Variants in MB21D2 observed in about 807,000 individuals in gnomAD.
MB21D2 encodes Mab-21 domain containing 2.
A neutral mutation model predicts 33.3 loss-of-function variants in MB21D2; 9 were observed. That is an observed-to-expected ratio of 0.27 (90% CI 0.16 to 0.47). MB21D2 has a LOEUF of 0.47. Among genes scored for constraint, MB21D2 ranks in the 20% least tolerant of loss-of-function variants. MB21D2 has a pLI of 0.99. For missense variants in MB21D2, 540 were observed against 624.6 expected, an observed-to-expected ratio of 0.86 and a Z score of 1.44; for synonymous variants, 241 against 236.3, an observed-to-expected ratio of 1.02 and a Z score of -0.18.
intron 1 of MB21D2, among the ~76,000 whole-genome samples, chr3:192,826,547 C>G (rs1043632609): frequency 3.3e-5 from 5 of 152,174 alleles, no homozygotes; most frequent in Admixed American, 1.3e-4. Context: ...AGATGGAAAA[C>G]CTACTTGTAT....
chr3:192,881,165 G>C (rs1179676635), intron 1 of MB21D2, among the ~76,000 whole-genome samples: 2 of 151,980 alleles, frequency 1.3e-5, no homozygotes, highest in Non-Finnish European at 2.9e-5. Flanking sequence ...AGTTATCTTT[G>C]TAAACAGAAA....
At position 192,807,550 on chromosome 3, in the gene MB21D2, G is replaced by A. The variant is rs1318535240; in HGVS notation, c.212-7900C>T. Among the ~76,000 whole-genome samples, 2 of 152,016 alleles carry A rather than the reference G, an allele frequency of 1.3e-5. 1 individual carries two copies. The highest frequency in any genetic ancestry group is 1.3e-4 in the Admixed American group (2 of 15,248). The stretch of plus-strand genomic sequence containing the variant: ...GGTCCGGTTTCCATTCCTTTCTCAC[G>A]TTGAGATGTATATGTCAACTACTTA... On this transcript the variant is annotated intron_variant, in intron 1 of 1. Transcript: ENST00000392452.
intron 1 of MB21D2, among the ~76,000 whole-genome samples, chr3:192,905,644 AAAAAAAAAAAG>A (rs1560257048): frequency 7.3e-6 from 1 of 137,912 alleles, no homozygotes; most frequent in Non-Finnish European, 1.6e-5. Flanking sequence ...TCAAAAAAAA[AAAAAAAAAAAG>A]AAAAAGAAAA....
chr3:192,917,842 C>T lies in MB21D2; in HGVS notation c.-2G>A, dbSNP rs199996406. On this transcript the variant is annotated 5_prime_UTR_variant, in exon 1 of 2. Transcript: ENST00000392452. ...GGCGGTGGGAGCCGCCATCTTCATG[C>T]AAAACGCGCCGAGTAGCAGCTCCGC... 175 of 1,606,734 alleles carry T rather than the reference C, an allele frequency of 1.1e-4. No homozygotes were observed. The highest frequency in any genetic ancestry group is 1.9e-5 in the Non-Finnish European group (22 of 1,176,490).
intron 1 of MB21D2, among the ~76,000 whole-genome samples, chr3:192,872,299 G>A (rs187049980): frequency 1.2e-3 from 190 of 152,210 alleles, no homozygotes; most frequent in African/African-American, 4.2e-3. Context: ...AAAGCTGGCC[G>A]GGCGCGGGGG....
chr3:192,848,622 C>A (rs763800410), intron 1 of MB21D2, among the ~76,000 whole-genome samples: 1 of 152,174 alleles, frequency 6.6e-6, no homozygotes, highest in African/African-American at 2.4e-5. Context: ...ATATTTCTAA[C>A]GTGAATAAAA....
chr3:192,806,275 A>G (rs567558101), intron 1 of MB21D2, among the ~76,000 whole-genome samples: 8 of 152,358 alleles, frequency 5.3e-5, no homozygotes, highest in East Asian at 3.9e-4. Flanking sequence ...ACAATACACA[A>G]TCGTCCCTTG....
At chr3:192,900,670 C>T (rs540347799) in intron 1 of MB21D2, among the ~76,000 whole-genome samples, 54 of 152,008 alleles carry the variant, frequency 3.6e-4, no homozygotes, top group African/African-American at 1.3e-3. Flanking sequence ...AGGCCGGGCG[C>T]GGTGGCTCAC....
intron 1 of MB21D2, among the ~76,000 whole-genome samples, chr3:192,912,884 C>T (rs1026296714): frequency 7.9e-5 from 12 of 152,092 alleles, no homozygotes; most frequent in African/African-American, 2.9e-4. Context: ...TTGAGCCTCA[C>T]CATTTCATCT....
chr3:192,869,232 G>A (rs1041546226), intron 1 of MB21D2, among the ~76,000 whole-genome samples: 18 of 143,424 alleles, frequency 1.3e-4, no homozygotes, highest in South Asian at 2.4e-4. Context: ...CTCCAGCCTC[G>A]GCGACAGAGT....
intron 1 of MB21D2, among the ~76,000 whole-genome samples, chr3:192,863,635 A>G (rs1713100999): frequency 6.6e-6 from 1 of 152,176 alleles, no homozygotes; most frequent in South Asian, 2.1e-4. Context: ...ACTGTCTACT[A>G]CAGTCTGTTT....
At chr3:192,818,219 G>A (rs141169182) in intron 1 of MB21D2, among the ~76,000 whole-genome samples, 403 of 152,220 alleles carry the variant, frequency 2.6e-3, no homozygotes, top group African/African-American at 8.9e-3. Flanking sequence ...AGACAGGAAC[G>A]GAGCCTTATT....
chr3:192,845,993 G>A (rs929757150), intron 1 of MB21D2, among the ~76,000 whole-genome samples: 2 of 152,122 alleles, frequency 1.3e-5, no homozygotes, highest in Non-Finnish European at 2.9e-5. Flanking sequence ...TGAGGTGGGA[G>A]AATCACTTGA....
At chr3:192,838,604 ATTT>A (rs1560235794) in intron 1 of MB21D2, among the ~76,000 whole-genome samples, 2 of 151,520 alleles carry the variant, frequency 1.3e-5, no homozygotes, top group African/African-American at 4.9e-5. Flanking sequence ...ACTTTTTTGT[ATTT>A]TTAATAGAGA....
chr3:192,825,942 G>T (rs2108618107), intron 1 of MB21D2, among the ~76,000 whole-genome samples: 1 of 152,284 alleles, frequency 6.6e-6, no homozygotes, highest in Admixed American at 6.5e-5. Context: ...GTGCTTTATG[G>T]GTTGTGAAAT....
intron 1 of MB21D2, among the ~76,000 whole-genome samples, chr3:192,912,174 A>T (rs1056693747): frequency 6.6e-6 from 1 of 152,230 alleles, no homozygotes; most frequent in Admixed American, 6.5e-5. Flanking sequence ...CCAGCAAAAT[A>T]TCCTGCTAGA....
intron 1 of MB21D2, among the ~76,000 whole-genome samples, chr3:192,907,117 C>T (rs1239460334): frequency 1.3e-5 from 2 of 152,212 alleles, no homozygotes; most frequent in African/African-American, 4.8e-5. Context: ...AAACAGATAG[C>T]TGTTTCCTGG....
intron 1 of MB21D2, among the ~76,000 whole-genome samples, chr3:192,900,586 C>T (rs970222094): frequency 6.6e-6 from 1 of 151,840 alleles, no homozygotes; most frequent in African/African-American, 2.4e-5. Context: ...TTGCCCATCT[C>T]CTAAGACTGT....
intron 1 of MB21D2, among the ~76,000 whole-genome samples, chr3:192,853,028 GTCTCTCTCTCTCTC>G (rs10541418): frequency 1.3e-5 from 2 of 148,362 alleles, no homozygotes; most frequent in Non-Finnish European, 3.0e-5. Flanking sequence ...ATCTCTCTCT[GTCTCTCTCTCTCTC>G]TCTCTCTCTC....
Sources: gnomAD v4.1 joint callset for allele counts (sites outside exome capture counted in the v4.1 genomes callset) on GRCh38, gnomAD v4.1.1 for gene constraint, MANE v1.5 for transcripts, NCBI Gene and HGNC (gene_info 2026-07-23, HGNC 2026-07-21) for gene names.